Variants in RGS6 observed in about 807,000 individuals in gnomAD.
The protein encoded by RGS6 is regulator of G-protein signaling 6.
A neutral mutation model predicts 78.5 loss-of-function variants in RGS6; 30 were observed. The ratio of observed to expected loss-of-function variants is 0.38; its 90% CI spans 0.29 to 0.52. RGS6 has a LOEUF of 0.52. Among genes scored for constraint, RGS6 ranks in the 20% least tolerant of loss-of-function variants. The probability of loss-of-function intolerance (pLI) is 0.85; values close to 1 mark genes in which losing one functional copy is unlikely to be tolerated. For missense variants in RGS6, 495 were observed against 609.7 expected (o/e 0.81, Z 1.98); for synonymous variants, 206 against 206.0 (o/e 1.00, Z 0.00).
chr14:72,526,115 T>C (rs1284799882), intron 15 of RGS6, among the ~76,000 whole-genome samples: 2 of 152,008 alleles, frequency 1.3e-5, no homozygotes, highest in Non-Finnish European at 2.9e-5. Flanking sequence ...TTCTTTTTTT[T>C]TTTTTTGAGA....
At chr14:72,323,630 T>C (rs748975148) in intron 2 of RGS6, among the ~76,000 whole-genome samples, 2 of 151,192 alleles carry the variant, frequency 1.3e-5, no homozygotes, top group African/African-American at 4.9e-5. Flanking sequence ...GGTAAAACCC[T>C]GTCTCTACTA....
intron 16 of RGS6, among the ~76,000 whole-genome samples, 157 bp from the exon 17 acceptor site, chr14:72,539,884 A>C (rs1192450499): frequency 6.6e-6 from 1 of 152,080 alleles, no homozygotes; most frequent in Non-Finnish European, 1.5e-5. Flanking sequence ...GACTCTTCCA[A>C]CAGCTCTGGC....
chr14:72,186,087 C>T (rs558493791), intron 2 of RGS6, among the ~76,000 whole-genome samples: 3 of 152,322 alleles, frequency 2.0e-5, no homozygotes, highest in African/African-American at 7.2e-5. Context: ...AGGCAGCTGG[C>T]GTGGAGGGTG....
At chr14:72,211,924 G>T (rs1326129421) in intron 2 of RGS6, among the ~76,000 whole-genome samples, 2 of 152,126 alleles carry the variant, frequency 1.3e-5, no homozygotes, top group Non-Finnish European at 2.9e-5. Context: ...ACTAGACATG[G>T]CCAGTAAATT....
At chr14:72,532,271 T>C (rs915698266) in intron 15 of RGS6, among the ~76,000 whole-genome samples, 2 of 152,246 alleles carry the variant, frequency 1.3e-5, no homozygotes, top group African/African-American at 4.8e-5. Flanking sequence ...GATGTTACTA[T>C]TGTAATTGCT....
intron 17 of RGS6, among the ~76,000 whole-genome samples, chr14:72,545,929 T>C (rs1598966309): frequency 6.6e-6 from 1 of 151,906 alleles, no homozygotes; most frequent in African/African-American, 2.4e-5. Context: ...GTGTGTCAGG[T>C]GGGGTCAGCT....
At chr14:72,256,199 A>G (rs1567593029) in intron 2 of RGS6, among the ~76,000 whole-genome samples, 1 of 152,128 alleles carries the variant, frequency 6.6e-6, no homozygotes, top group Non-Finnish European at 1.5e-5. Context: ...TATGGCATGC[A>G]GGGGGCTAGG....
At chr14:72,617,161 C>G in the RGS6 span, among the ~76,000 whole-genome samples, 1 of 152,152 alleles carries the variant, frequency 6.6e-6, no homozygotes, top group Non-Finnish European at 1.5e-5. Context: ...ACCTGCACTT[C>G]TGTGGAAAAC....
chr14:72,550,725 G>T, intron 17 of RGS6: 1 of 1,208,732 alleles, frequency 8.3e-7, no homozygotes, highest in Non-Finnish European at 1.1e-6. Flanking sequence ...CCTGATGGAG[G>T]TTTTACACCT....
rs145144730 is a variant in RGS6 at position 72,372,674 on chromosome 14, C to T, written c.184+20480C>T. On this transcript the variant is annotated intron_variant, in intron 3 of 17. Coordinates refer to ENST00000553525, the MANE Select transcript of RGS6 (RefSeq NM_001204424.2). Reference sequence around the variant, plus strand: ...AGTTCATAGGTTTTCCTAAAGAACACTTTCTAAATCTAAATTTTTCCTCCC... The same window carrying T: ...AGTTCATAGGTTTTCCTAAAGAACATTTTCTAAATCTAAATTTTTCCTCCC... Among the ~76,000 whole-genome samples, 16 of 152,294 alleles carry T rather than the reference C, an allele frequency of 1.1e-4. No individual in the cohort carries two copies. In the East Asian group the frequency reaches 3.1e-3, roughly 29 times the overall value.
intron 2 of RGS6, among the ~76,000 whole-genome samples, chr14:72,036,912 G>A (rs1482764147): frequency 6.6e-6 from 1 of 152,074 alleles, no homozygotes; most frequent in Non-Finnish European, 1.5e-5. Flanking sequence ...ACATTTAAAT[G>A]TGTAACTTAG....
intron 3 of RGS6, among the ~76,000 whole-genome samples, chr14:72,411,856 TGCTG>T (rs1483321512): frequency 1.3e-5 from 2 of 152,258 alleles, no homozygotes; most frequent in African/African-American, 4.8e-5. Context: ...TCTGTTTATA[TGCTG>T]GATTACGTTT....
chr14:72,528,936 CT>C, intron 15 of RGS6, among the ~76,000 whole-genome samples: 1 of 152,332 alleles, frequency 6.6e-6, no homozygotes, highest in South Asian at 2.1e-4. Flanking sequence ...GCTTTGTACA[CT>C]TGCTGTCCCT....
chr14:72,566,787 A>C (rs922335036), downstream of RGS6, among the ~76,000 whole-genome samples: 6 of 152,168 alleles, frequency 3.9e-5, no homozygotes, highest in Non-Finnish European at 5.9e-5. Flanking sequence ...TGTCACCATA[A>C]GGCTGAAGTC....
At chr14:72,238,893 G>A (rs1043115171) in intron 2 of RGS6, among the ~76,000 whole-genome samples, 9 of 152,104 alleles carry the variant, frequency 5.9e-5, no homozygotes, top group Non-Finnish European at 7.4e-5. Context: ...TCCCCCATCC[G>A]TGGTTTAGGC....
downstream of RGS6, among the ~76,000 whole-genome samples, chr14:72,569,706 G>C (rs2097718129): frequency 6.6e-6 from 1 of 151,930 alleles, no homozygotes. Context: ...CAGGGAGGGA[G>C]GGAGGGAGGG....
rs77704862 is a variant in RGS6, at chr14:72,230,000, C to T, written c.85-122095C>T. 9.2e-3 allele frequency among the ~76,000 whole-genome samples: 1,408 copies of T among 152,278 alleles called. 37 individuals carry two copies. In the South Asian group the frequency reaches 0.1, roughly 11 times the overall value. Reference sequence around the variant, plus strand: ...CTGTGGGCCAATCACTTGTGCAGGGCGATGTAGTGTATTTTGGATGAATCA... The same window carrying T: ...CTGTGGGCCAATCACTTGTGCAGGGTGATGTAGTGTATTTTGGATGAATCA... On this transcript the variant is annotated intron_variant, in intron 2 of 17. Coordinates refer to ENST00000553525, the MANE Select transcript of RGS6 (RefSeq NM_001204424.2).
intron 3 of RGS6, among the ~76,000 whole-genome samples, chr14:72,415,597 G>A (rs1376551009): frequency 6.6e-6 from 1 of 152,226 alleles, no homozygotes; most frequent in Non-Finnish European, 1.5e-5. Context: ...TACCTCAGTT[G>A]GAAATGCACA....
chr14:72,384,792 C>T (rs1020660637), intron 3 of RGS6, among the ~76,000 whole-genome samples: 4 of 151,882 alleles, frequency 2.6e-5, no homozygotes, highest in African/African-American at 9.7e-5. Flanking sequence ...ACTCTGTCAC[C>T]CAGGCTGGAG....
Sources: gnomAD v4.1 joint callset for allele counts (sites outside exome capture counted in the v4.1 genomes callset) on GRCh38, gnomAD v4.1.1 for gene constraint, MANE v1.5 for transcripts, NCBI Gene and HGNC (gene_info 2026-07-23, HGNC 2026-07-21) for gene names.